Variants in SYNE1 observed in about 807,000 individuals in gnomAD.
SYNE1 encodes spectrin repeat containing nuclear envelope protein 1.
A neutral mutation model predicts 1,111.0 loss-of-function variants in SYNE1; 616 were observed. The ratio of observed to expected loss-of-function variants is 0.55; its 90% CI spans 0.52 to 0.59. The LOEUF (loss-of-function observed/expected upper bound fraction) is 0.59. Ranked by LOEUF, SYNE1 falls within the 20% of genes least tolerant of loss-of-function variation. The pLI, the probability that SYNE1 is intolerant of heterozygous loss-of-function variation, is 0.00. For synonymous variants in SYNE1, 3,855 were observed against 3,825.8 expected (o/e 1.01, Z -0.28); for missense variants, 10,006 against 10,417.0 (o/e 0.96, Z 1.72).
intron 16 of SYNE1, among the ~76,000 whole-genome samples, chr6:152,468,062 A>G (rs7756410): frequency 0.52 from 78,885 of 151,966 alleles, 22,231 homozygotes; most frequent in East Asian, 0.76. Context: ...AGCCATTTTA[A>G]TCAGGGGACT....
At chr6:152,448,158 C>T (rs2098608354) in intron 28 of SYNE1, among the ~76,000 whole-genome samples, 1 of 152,118 alleles carries the variant, frequency 6.6e-6, no homozygotes, top group Non-Finnish European at 1.5e-5. Flanking sequence ...AGCCAGTATC[C>T]CATATAGCAA....
intron 114 of SYNE1, among the ~76,000 whole-genome samples, chr6:152,230,938 G>T (rs1417675300): frequency 2.0e-5 from 3 of 150,392 alleles, no homozygotes; most frequent in Admixed American, 2.0e-4. Flanking sequence ...AATAGCCGAC[G>T]ATCTAAAAAA....
intron 5 of SYNE1, among the ~76,000 whole-genome samples, chr6:152,522,551 C>G (rs944353964): frequency 6.6e-6 from 1 of 151,988 alleles, no homozygotes; most frequent in East Asian, 1.9e-4. Flanking sequence ...ATAATGACTT[C>G]TTTTCCTTTG....
chr6:152,524,624 C>A (rs768287981), intron 5 of SYNE1, among the ~76,000 whole-genome samples: 5 of 152,020 alleles, frequency 3.3e-5, no homozygotes, highest in Non-Finnish European at 7.4e-5. Context: ...TTGATTCCTT[C>A]CAAAGCAGAG....
At chr6:152,218,436 TTA>T in intron 120 of SYNE1, 33 bp from the exon 121 acceptor site, 1 of 1,541,178 alleles carries the variant, frequency 6.5e-7, no homozygotes. Context: ...GGTATTTCAG[TTA>T]AAAAAAAAAA....
At position 152,404,149 on chromosome 6, in the gene SYNE1, AG is replaced by A; in HGVS notation, c.6825+63del. 5 of 1,055,670 alleles carry A rather than the reference AG, an allele frequency of 4.7e-6. No homozygotes were observed. In the South Asian group the frequency reaches 6.3e-5, roughly 13 times the overall value. 65.4% of individuals were successfully genotyped at this position (1,055,670 alleles called of 1,614,324 possible). On this transcript the variant is annotated intron_variant, in intron 46 of 145. Coordinates refer to ENST00000367255, the MANE Select transcript of SYNE1 (RefSeq NM_182961.4). ...CACACACACACACAGAGACAGAGAAAGTCTAGTATATGGTAGTAATTACAAA... is the reference window on the plus strand; with the variant it reads ...CACACACACACACAGAGACAGAGAAATCTAGTATATGGTAGTAATTACAAA...
intron 99 of SYNE1, among the ~76,000 whole-genome samples, 174 bp downstream of exon 99, chr6:152,268,981 C>G (rs773772295): frequency 1.3e-5 from 2 of 152,132 alleles, no homozygotes; most frequent in African/African-American, 2.4e-5. Context: ...ACCAATCATC[C>G]CAGTGGTCAT....
At chr6:152,171,456 C>G (rs949024556) in intron 130 of SYNE1, among the ~76,000 whole-genome samples, 4 of 152,188 alleles carry the variant, frequency 2.6e-5, no homozygotes, top group African/African-American at 9.7e-5. Flanking sequence ...GATACACTTA[C>G]ATTTTAGCAG....
chr6:152,413,707 G>T (rs555791001), intron 41 of SYNE1, among the ~76,000 whole-genome samples, 176 bp from the exon 42 acceptor site: 5 of 152,064 alleles, frequency 3.3e-5, no homozygotes. Context: ...AGTTAATTTT[G>T]CAAAATAACT....
rs1417956844 is a variant in SYNE1 at position 152,278,299 on chromosome 6, G to C, written c.18382-19C>G. ...GCATATTCTGCAGCAACAGAAATAA[G>C]AATGAAACTCACACATCTCCCCAGC... On this transcript the variant is annotated intron_variant, in intron 97 of 145. Transcript: ENST00000367255. 3 of 1,613,378 alleles carry C rather than the reference G, an allele frequency of 1.9e-6. No homozygotes were observed. Among genetic ancestry groups the C allele is most frequent in the Non-Finnish European group, 2.5e-6 (3 of 1,179,882 alleles).
intron 141 of SYNE1, among the ~76,000 whole-genome samples, chr6:152,136,007 T>G (rs1472851142): frequency 6.6e-6 from 1 of 152,188 alleles, no homozygotes; most frequent in Non-Finnish European, 1.5e-5. Context: ...TATATTACCT[T>G]CATAGCAACA....
In SYNE1 at chr6:152,511,142, A is replaced by C. The variant is rs1250652820; in HGVS notation, c.310-39T>G. 5.2e-6 allele frequency: 8 copies of C among 1,531,518 alleles called. No homozygotes were observed. The East Asian group carries it at 1.6e-4, about 30-fold the overall frequency. 94.9% of individuals were successfully genotyped at this position (1,531,518 alleles called of 1,614,324 possible). A position where few individuals can be genotyped will look rare whatever the true frequency, so the allele number is the denominator to read the frequency against. ...AGAAACTGTACTAGTAATGTACTAGAATATTATAACTCATTTAATTATGTA... is the reference window on the plus strand; with the variant it reads ...AGAAACTGTACTAGTAATGTACTAGCATATTATAACTCATTTAATTATGTA... On this transcript the variant is annotated intron_variant, in intron 6 of 145. Transcript: ENST00000367255.
At chr6:152,178,443 G>C (rs1340681633) in intron 129 of SYNE1, among the ~76,000 whole-genome samples, 1 of 152,078 alleles carries the variant, frequency 6.6e-6, no homozygotes, top group Non-Finnish European at 1.5e-5. Context: ...ACAATATCAA[G>C]TAAACAAATG....
At chr6:152,322,703 A>C (rs1563056324) in intron 82 of SYNE1, among the ~76,000 whole-genome samples, 1 of 152,044 alleles carries the variant, frequency 6.6e-6, no homozygotes, top group Non-Finnish European at 1.5e-5. Flanking sequence ...CCCTCCCCGC[A>C]TCACCCAAGG....
chr6:152,354,991 G>C lies in SYNE1; in HGVS notation c.10609-15C>G, dbSNP rs750239221. The C allele has an allele frequency of 1.2e-6, 2 of 1,612,620 alleles. No homozygotes were observed. Among genetic ancestry groups the C allele is most frequent in the Non-Finnish European group, 1.7e-6 (2 of 1,180,020 alleles). ...ACCTGTAGCTCCTGCAGAGAAAAAG[G>C]TATGGCTGTCACTCTCAATCATATT... On this transcript the variant is annotated splice_polypyrimidine_tract_variant and intron_variant, in intron 66 of 145. Transcript: ENST00000367255.
At chr6:152,536,363 A>AAT (rs113571988) in intron 4 of SYNE1, among the ~76,000 whole-genome samples, 10 of 97,814 alleles carry the variant, frequency 1.0e-4, no homozygotes, top group African/African-American at 2.8e-4. Flanking sequence ...ATAGTATACT[A>AAT]ATATATATAT....
At chr6:152,412,538 A>G (rs1305572225) in intron 42 of SYNE1, among the ~76,000 whole-genome samples, 1 of 152,200 alleles carries the variant, frequency 6.6e-6, no homozygotes, top group African/African-American at 2.4e-5. Flanking sequence ...GATTCTAAGA[A>G]AAGACAAAAC....
rs757734540 is a variant in SYNE1 at position 152,151,503 on chromosome 6, TTCA to T, written c.24450+47_24450+49del. Reference sequence around the variant, plus strand: ...TCTTCACAAAAGAGCCACAAATCCTTTCATTTTCAGGCTTTCTTCACTTTGGTA... The same window carrying T: ...TCTTCACAAAAGAGCCACAAATCCTTTTTTCAGGCTTTCTTCACTTTGGTA... On this transcript the variant is annotated intron_variant, in intron 135 of 145. Coordinates refer to ENST00000367255, the MANE Select transcript of SYNE1 (RefSeq NM_182961.4). 3.5e-5 allele frequency: 57 copies of T among 1,610,534 alleles called. 1 individual carries two copies. In the South Asian group the frequency reaches 6.3e-4, roughly 18 times the overall value.
At chr6:152,184,308 G>T (rs111880722) in intron 128 of SYNE1, among the ~76,000 whole-genome samples, 1 of 151,916 alleles carries the variant, frequency 6.6e-6, no homozygotes, top group African/African-American at 2.4e-5. Flanking sequence ...ATGGTGGCAG[G>T]TGCCTGTAAT....
Sources: gnomAD v4.1 joint callset for allele counts (sites outside exome capture counted in the v4.1 genomes callset) on GRCh38, gnomAD v4.1.1 for gene constraint, MANE v1.5 for transcripts, NCBI Gene and HGNC (gene_info 2026-07-23, HGNC 2026-07-21) for gene names.